Variants in CCL22 observed in about 807,000 individuals in gnomAD.
CCL22 encodes the protein C-C motif chemokine ligand 22.
In CCL22, 7 loss-of-function variants were observed where a neutral mutation model predicts 7.6. The observed-to-expected ratio is 0.92, with a 90% CI of 0.52 to 1.72. The LOEUF (loss-of-function observed/expected upper bound fraction) is 1.72. CCL22 is among the 40% of genes most tolerant of loss of function. The pLI is 0.00. For missense variants in CCL22, 115 were observed against 124.7 expected (o/e 0.92, Z 0.37); for synonymous variants, 55 against 47.2 (o/e 1.17, Z -0.68).
chr16:57,359,958 G>T (rs1387540651), intron 1 of CCL22, among the ~76,000 whole-genome samples: 1 of 152,198 alleles, frequency 6.6e-6, no homozygotes, highest in Non-Finnish European at 1.5e-5. Context: ...TCCAGAACCT[G>T]TCCTCAGCAT....
chr16:57,362,295 A>G (rs998338587), intron 2 of CCL22, among the ~76,000 whole-genome samples: 1 of 151,666 alleles, frequency 6.6e-6, no homozygotes, highest in Non-Finnish European at 1.5e-5. Context: ...CAGCCTGGAA[A>G]CTTACTGAGA....
At position 57,363,440 on chromosome 16, in the gene CCL22, A is replaced by C. The variant is rs1411733809; in HGVS notation, c.198-64A>C. Reference sequence around the variant, plus strand: ...GTGGCTCATAAATGCTAAGCTCCCGAGGGTGTGGCATCCTTGCTGCGTGCT... The same window carrying C: ...GTGGCTCATAAATGCTAAGCTCCCGCGGGTGTGGCATCCTTGCTGCGTGCT... On this transcript the variant is annotated intron_variant, in intron 2 of 2. Coordinates refer to ENST00000219235, the MANE Select transcript of CCL22 (RefSeq NM_002990.5). 3 of 1,054,832 alleles carry C rather than the reference A, an allele frequency of 2.8e-6. No homozygotes were observed. The African/African-American group carries it at 4.7e-5, about 17-fold the overall frequency. The allele number at this position is 1,054,832 out of a possible 1,614,324, so 65.3% of individuals were successfully genotyped here.
chr16:57,360,754 G>T (rs1902040043), intron 2 of CCL22, among the ~76,000 whole-genome samples, 194 bp downstream of exon 2: 2 of 152,244 alleles, frequency 1.3e-5, no homozygotes, highest in Non-Finnish European at 2.9e-5. Context: ...AAAATAATGT[G>T]ATCGTTTAGC....
At chr16:57,360,668 C>T (rs1902039407) in intron 2 of CCL22, 108 bp downstream of exon 2, 2 of 1,347,286 alleles carry the variant, frequency 1.5e-6, no homozygotes, top group Admixed American at 3.9e-5. Context: ...AGGAATGTGG[C>T]AGGGCTACCA....
chr16:57,363,264 G>A (rs1902068642), intron 2 of CCL22, among the ~76,000 whole-genome samples: 1 of 152,058 alleles, frequency 6.6e-6, no homozygotes, highest in Non-Finnish European at 1.5e-5. Context: ...CAAAGTGCTG[G>A]GATTACAGGC....
In CCL22 at chr16:57,364,337, C is replaced by G. The variant is rs1902080870; in HGVS notation, c.*749C>G. ...CCCAGAAAGTGGCTGCAGACAAAATCAATAAAACTAATGTCCCTCCCCTCT... is the reference window on the plus strand; with the variant it reads ...CCCAGAAAGTGGCTGCAGACAAAATGAATAAAACTAATGTCCCTCCCCTCT... On this transcript the variant is annotated 3_prime_UTR_variant, in exon 3 of 3. Coordinates refer to ENST00000219235, the MANE Select transcript of CCL22 (RefSeq NM_002990.5). 1 of 152,210 alleles carries G rather than the reference C, an allele frequency of 6.6e-6. No individual in the cohort carries two copies. Among genetic ancestry groups the G allele is most frequent in the Non-Finnish European group, 1.5e-5 (1 of 68,104 alleles). 9.4% of individuals were successfully genotyped at this position (152,210 alleles called of 1,614,324 possible).
At chr16:57,360,986 G>A (rs113424073) in intron 2 of CCL22, among the ~76,000 whole-genome samples, 3 of 148,264 alleles carry the variant, frequency 2.0e-5, no homozygotes, top group African/African-American at 7.3e-5. Flanking sequence ...TGAACCAGGC[G>A]TGGTGGCTCA....
chr16:57,358,170 G>C (rs184342927), upstream of CCL22, among the ~76,000 whole-genome samples: 150 of 152,206 alleles, frequency 9.9e-4, 1 homozygote, highest in Non-Finnish European at 1.4e-3. Context: ...AGACAGGAGT[G>C]GGGGAGGGAG....
chr16:57,359,083 T>C (rs1206709433), intron 1 of CCL22, among the ~76,000 whole-genome samples, 194 bp downstream of exon 1: 3 of 152,164 alleles, frequency 2.0e-5, no homozygotes, highest in African/African-American at 7.2e-5. Flanking sequence ...TCTTGAAGAC[T>C]TGGAGTCTAG....
chr16:57,362,999 T>A (rs1902065886), intron 2 of CCL22, among the ~76,000 whole-genome samples: 1 of 151,978 alleles, frequency 6.6e-6, no homozygotes, highest in African/African-American at 2.4e-5. Context: ...TCTTCCTCTT[T>A]TTTTTTTTCT....
intron 2 of CCL22, 43 bp from the exon 3 acceptor site, chr16:57,363,461 G>GTGCTAATGTTGCTGCA (rs1902071073): frequency 7.5e-7 from 1 of 1,328,558 alleles, no homozygotes; most frequent in Non-Finnish European, 1.1e-6. Flanking sequence ...TCCTTGCTGC[G>GTGCTAATGTTGCTGCA]TGCTAATGTT....
At chr16:57,360,893 A>G (rs548977322) in intron 2 of CCL22, among the ~76,000 whole-genome samples, 1 of 152,208 alleles carries the variant, frequency 6.6e-6, no homozygotes, top group African/African-American at 2.4e-5. Context: ...CATCTAGGGT[A>G]TTTGGGTATA....
rs564240349 is a variant in CCL22 at position 57,359,542 on chromosome 16, C to G, written c.73+653C>G. ...TGTTGGCCAGGCTGGTCTCAAACTCCTGACCTCAGATGATCCTCCCACCTC... is the reference window on the plus strand; with the variant it reads ...TGTTGGCCAGGCTGGTCTCAAACTCGTGACCTCAGATGATCCTCCCACCTC... On this transcript the variant is annotated intron_variant, in intron 1 of 2. Transcript: ENST00000219235. 2.7e-5 allele frequency among the ~76,000 whole-genome samples: 4 copies of G among 148,688 alleles called. No individual in the cohort carries two copies. The South Asian group carries it at 8.6e-4, about 32-fold the overall frequency.
In CCL22 at chr16:57,358,850, C is replaced by T. The variant is rs141571257; in HGVS notation, c.34C>T (p.Leu12Phe). ...CCTACAGACTGCACTCCTGGTTGTC[C>T]TCGTCCTCCTTGCTGTGGCGCTTCA... is the stretch of plus-strand genomic sequence containing the variant. ...DRLQTALLVV[L>F]VLLAVALQAT... Residue 12 changes from leucine to phenylalanine, a missense_variant, in exon 1 of 3, where the codon CTC (leucine) becomes TTC (phenylalanine). Leu to Phe is a conservative substitution (Grantham distance 22, BLOSUM62 0). Coordinates refer to ENST00000219235, the MANE Select transcript of CCL22 (RefSeq NM_002990.5). 1.1e-5 allele frequency: 18 copies of T among 1,613,934 alleles called. No individual in the cohort carries two copies. The highest frequency in any genetic ancestry group is 1.5e-5 in the Non-Finnish European group (18 of 1,179,958).
chr16:57,363,504 G>A lies in CCL22; in HGVS notation c.198G>A (p.Val66=). 1 of 1,608,806 alleles carries A rather than the reference G, an allele frequency of 6.2e-7. No individual in the cohort carries two copies. The highest frequency in any genetic ancestry group is 8.5e-7 in the Non-Finnish European group (1 of 1,175,376). The stretch of plus-strand genomic sequence containing the variant: ...TGTCTCTGGGGTCTCCTTCTTCCAG[G>A]TTGCTAACCTTCAGGGATAAGGAGA... The part of the protein sequence containing the change: ...TSDSCPRPGV[V]LLTFRDKEIC... Residue 66 remains valine (V), a splice_region_variant and synonymous_variant, in exon 3 of 3, where the codon GTG becomes GTA. Transcript: ENST00000219235.
Position 57,358,783 on chromosome 16 carries a change from G to A in CCL22, c.-34G>A. Reference sequence around the variant, plus strand: ...ATAGCAGGTCTTCCTATGTCCCTTTGCAGACACCTGGGCTGAGACATACAG... The same window carrying A: ...ATAGCAGGTCTTCCTATGTCCCTTTACAGACACCTGGGCTGAGACATACAG... On this transcript the variant is annotated 5_prime_UTR_variant, in exon 1 of 3. Coordinates refer to ENST00000219235, the MANE Select transcript of CCL22 (RefSeq NM_002990.5). 2 of 1,537,904 alleles carry A rather than the reference G, an allele frequency of 1.3e-6. No individual in the cohort carries two copies. Among genetic ancestry groups the A allele is most frequent in the Non-Finnish European group, 1.8e-6 (2 of 1,110,516 alleles).
At chr16:57,358,756 A>G, upstream of CCL22, 1 of 1,299,338 alleles carries the variant, frequency 7.7e-7, no homozygotes, top group Non-Finnish European at 1.1e-6. Flanking sequence ...CCAGCACCTT[A>G]AATAGCAGGT....
chr16:57,360,466 G>A lies in CCL22; in HGVS notation c.103G>A (p.Val35Ile), dbSNP rs139736959. 3.4e-5 allele frequency: 55 copies of A among 1,614,114 alleles called. No individual in the cohort carries two copies. Among genetic ancestry groups the A allele is most frequent in the South Asian group, 4.4e-5 (4 of 91,092 alleles). Reference protein sequence around the residue: ...GPYGANMEDSVCCRDYVRYRL... With the variant: ...GPYGANMEDSICCRDYVRYRL... Reference sequence around the variant, plus strand: ...CTACGGCGCCAACATGGAAGACAGCGTCTGCTGCCGTGATTACGTCCGTTA... The same window carrying A: ...CTACGGCGCCAACATGGAAGACAGCATCTGCTGCCGTGATTACGTCCGTTA... The change falls in exon 2 of 3, where the codon GTC (valine) becomes ATC (isoleucine). Residue 35 changes from valine to isoleucine, a missense_variant. Physicochemically the swap from Val to Ile is conservative, Grantham distance 29. Coordinates refer to ENST00000219235, the MANE Select transcript of CCL22 (RefSeq NM_002990.5).
chr16:57,360,344 C>A, intron 1 of CCL22, 93 bp from the exon 2 acceptor site: 1 of 1,484,522 alleles, frequency 6.7e-7, no homozygotes, highest in Non-Finnish European at 9.2e-7. Flanking sequence ...GCATCTCTTT[C>A]CTGGAGCCTG....
Sources: gnomAD v4.1 joint callset for allele counts (sites outside exome capture counted in the v4.1 genomes callset) on GRCh38, gnomAD v4.1.1 for gene constraint, MANE v1.5 for transcripts, NCBI Gene and HGNC (gene_info 2026-07-23, HGNC 2026-07-21) for gene names.